The following MTAP variants were observed in gnomAD, a reference collection of about 807,000 sequenced individuals.
The protein encoded by MTAP is S-methyl-5'-thioadenosine phosphorylase.
A neutral mutation model predicts 33.6 loss-of-function variants in MTAP; 33 were observed. The ratio of observed to expected loss-of-function variants is 0.98; its 90% CI spans 0.74 to 1.31. The LOEUF (loss-of-function observed/expected upper bound fraction) is 1.31. MTAP is among the 40% of genes most tolerant of loss of function. MTAP has a pLI of 0.00. For synonymous variants in MTAP, 148 were observed against 125.7 expected, an observed-to-expected ratio of 1.18 and a Z score of -1.19; for missense variants, 367 against 360.0, an observed-to-expected ratio of 1.02 and a Z score of -0.16.
intron 3 of MTAP, among the ~76,000 whole-genome samples, chr9:21,817,125 A>G (rs1824495836): frequency 6.6e-6 from 1 of 152,160 alleles, no homozygotes; most frequent in South Asian, 2.1e-4. Flanking sequence ...TAGTAGTTAT[A>G]TGTCTGTGGG....
chr9:21,844,840 G>A (rs890507620), intron 5 of MTAP, among the ~76,000 whole-genome samples: 1 of 152,110 alleles, frequency 6.6e-6, no homozygotes, highest in Non-Finnish European at 1.5e-5. Context: ...GACCATCCTG[G>A]CTAACACGGT....
chr9:21,921,535 A>G (rs558271801), intron 1 of MTAP, among the ~76,000 whole-genome samples: 2 of 152,356 alleles, frequency 1.3e-5, no homozygotes, highest in African/African-American at 2.4e-5. Context: ...ATTGTAAGAA[A>G]GTTTTAACCT....
chr9:21,909,624 A>T (rs1032419722), intron 1 of MTAP, among the ~76,000 whole-genome samples: 1 of 152,154 alleles, frequency 6.6e-6, no homozygotes, highest in Non-Finnish European at 1.5e-5. Context: ...GTAAGCCTAG[A>T]TGCCCATTCA....
At chr9:21,917,057 GGAATAATAAAGGAACCAA>G (rs140388217) in intron 1 of MTAP, among the ~76,000 whole-genome samples, 3,393 of 152,208 alleles carry the variant, frequency 0.022, 131 homozygotes, top group African/African-American at 0.075. Flanking sequence ...AGGTTTTGAG[GGAATAATAAAGGAACCAA>G]GAATAATCCA....
In MTAP at chr9:21,865,423, C is replaced by G; in HGVS notation, c.*3409C>G. ...AGTCATGGGCAGTCCTTTACAGCAG[C>G]ATGAGAATGGACTAATACACTCCTC... is the stretch of plus-strand genomic sequence containing the variant. On this transcript the variant is annotated 3_prime_UTR_variant, in exon 8 of 8. Transcript: ENST00000644715. The G allele has an allele frequency of 6.1e-6, 6 of 982,332 alleles. No individual in the cohort carries two copies. The South Asian group carries it at 2.8e-4, about 46-fold the overall frequency. The allele number at this position is 982,332 out of a possible 1,614,324, so 60.9% of individuals were successfully genotyped here. A position where few individuals can be genotyped will look rare whatever the true frequency, so the allele number is the denominator to read the frequency against.
intron 4 of MTAP, among the ~76,000 whole-genome samples, chr9:21,830,232 G>A (rs908573518): frequency 1.1e-4 from 16 of 152,092 alleles, no homozygotes; most frequent in African/African-American, 3.6e-4. Flanking sequence ...TCCCGTTTTT[G>A]TTGCACAGGG....
At chr9:21,844,482 A>G (rs537242986) in intron 5 of MTAP, among the ~76,000 whole-genome samples, 1 of 152,332 alleles carries the variant, frequency 6.6e-6, no homozygotes, top group South Asian at 2.1e-4. Context: ...AATCCTCAAC[A>G]AATTACTAGC....
At chr9:21,905,444 T>C (rs1038355581) in intron 1 of MTAP, among the ~76,000 whole-genome samples, 3 of 149,474 alleles carry the variant, frequency 2.0e-5, no homozygotes, top group African/African-American at 2.5e-5. Flanking sequence ...CCAGCATAAA[T>C]TGAAAAAAAG....
intron 1 of MTAP, among the ~76,000 whole-genome samples, chr9:21,911,708 C>T (rs961167140): frequency 6.6e-6 from 1 of 151,972 alleles, no homozygotes; most frequent in Non-Finnish European, 1.5e-5. Context: ...CCTAACATCA[C>T]AATTAAAAGA....
chr9:21,821,290 C>A (rs998733244), intron 4 of MTAP, among the ~76,000 whole-genome samples: 4 of 152,034 alleles, frequency 2.6e-5, no homozygotes, highest in South Asian at 2.1e-4. Flanking sequence ...TTATTTTGAG[C>A]TACGTCCCAT....
At position 21,865,081 on chromosome 9, in the gene MTAP, T is replaced by C. The variant is rs939894110; in HGVS notation, c.*3067T>C. The stretch of plus-strand genomic sequence containing the variant: ...TTGCAGAGTCCCTCCTTGATAAGGT[T>C]TGGCGGTGTCCCCACCCAAATCTCA... On this transcript the variant is annotated 3_prime_UTR_variant, in exon 8 of 8. Transcript: ENST00000644715. 3.0e-6 allele frequency: 3 copies of C among 985,338 alleles called. No homozygotes were observed. In the Admixed American group the frequency reaches 1.8e-4, roughly 61 times the overall value. The allele number at this position is 985,338 out of a possible 1,614,324, so 61.0% of individuals were successfully genotyped here.
At chr9:21,818,317 C>CT (rs35709813) in intron 4 of MTAP, 115 bp downstream of exon 4, 8,286 of 238,346 alleles carry the variant, frequency 0.035, 350 homozygotes, top group South Asian at 0.064. Context: ...GACTCGCTTG[C>CT]TTTTTTTTTT....
intron 5 of MTAP, 140 bp downstream of exon 5, chr9:21,838,150 G>T: frequency 3.2e-6 from 2 of 618,216 alleles, no homozygotes; most frequent in Non-Finnish European, 2.8e-6. Flanking sequence ...TTTATGAAGA[G>T]TTATTTCCTG....
intron 1 of MTAP, among the ~76,000 whole-genome samples, chr9:21,912,095 T>C (rs2118850272): frequency 6.6e-6 from 1 of 152,182 alleles, no homozygotes; most frequent in East Asian, 1.9e-4. Context: ...AAGTTGAATC[T>C]CTGAATAGAC....
chr9:21,869,451 T>A (rs1196614155), downstream of MTAP, among the ~76,000 whole-genome samples: 1 of 152,326 alleles, frequency 6.6e-6, no homozygotes, highest in East Asian at 1.9e-4. Context: ...CCTTCATTGA[T>A]GGTTGCTGCT....
At chr9:21,885,776 C>A (rs1818097819) in intron 1 of MTAP, among the ~76,000 whole-genome samples, 1 of 119,974 alleles carries the variant, frequency 8.3e-6, no homozygotes. Context: ...GGTAGTATTA[C>A]ATGGTGTGTG....
rs1486696256 is a variant in MTAP, at chr9:21,802,742, T to C, written c.-7T>C. The C allele has an allele frequency of 6.2e-7, 1 of 1,613,010 alleles. No individual in the cohort carries two copies. The highest frequency in any genetic ancestry group is 1.1e-5 in the South Asian group (1 of 90,988). ...TCGCCCACTGCAGATTCCTTTCCCG[T>C]GCAGACATGGCCTCTGGCACCACCA... On this transcript the variant is annotated 5_prime_UTR_variant, in exon 1 of 8. Transcript: ENST00000644715.
intron 5 of MTAP, among the ~76,000 whole-genome samples, chr9:21,844,081 T>G (rs200638416): frequency 3.3e-5 from 5 of 152,128 alleles, no homozygotes; most frequent in Admixed American, 1.3e-4. Flanking sequence ...CAAAAGACTA[T>G]TCAAGGCTAC....
At chr9:21,919,961 AATTCTTCATGGAGTT>A (rs1251680555) in intron 1 of MTAP, among the ~76,000 whole-genome samples, 1 of 152,168 alleles carries the variant, frequency 6.6e-6, no homozygotes, top group African/African-American at 2.4e-5. Context: ...AAAATATAAA[AATTCTTCATGGAGTT>A]ATTTCTAAAC....
Sources: allele counts gnomAD v4.1 joint callset (sites outside exome capture counted in the v4.1 genomes callset), GRCh38; gene constraint gnomAD v4.1.1; transcripts MANE v1.5; gene names NCBI Gene and HGNC (gene_info 2026-07-23, HGNC 2026-07-21).